ADAM22: variants seen among roughly 807,000 people sequenced by gnomAD.
ADAM22 encodes ADAM metallopeptidase domain 22.
ADAM22 carries 65 observed loss-of-function variants against 144.6 expected under a neutral mutation model. The ratio of observed to expected loss-of-function variants is 0.45; its 90% CI spans 0.37 to 0.55. The LOEUF is 0.55. Ranked by LOEUF, ADAM22 falls within the 20% of genes least tolerant of loss-of-function variation. The pLI is 0.00. For missense variants in ADAM22, 974 were observed against 1,184.9 expected, an observed-to-expected ratio of 0.82 and a Z score of 2.61; for synonymous variants, 391 against 412.6, an observed-to-expected ratio of 0.95 and a Z score of 0.63.
intron 3 of ADAM22, among the ~76,000 whole-genome samples, chr7:88,073,694 C>T (rs1813434024): frequency 6.6e-6 from 1 of 152,186 alleles, no homozygotes; most frequent in African/African-American, 2.4e-5. Context: ...GGGGCCATGC[C>T]AGCTAATCCT....
At chr7:88,081,289 A>T (rs1230550133) in intron 4 of ADAM22, among the ~76,000 whole-genome samples, 3 of 152,156 alleles carry the variant, frequency 2.0e-5, no homozygotes, top group African/African-American at 7.2e-5. Flanking sequence ...AAAATTCAAC[A>T]GCCCTTCATG....
chr7:88,045,179 G>A (rs986570841), intron 3 of ADAM22, among the ~76,000 whole-genome samples: 19 of 151,252 alleles, frequency 1.3e-4, no homozygotes, highest in Non-Finnish European at 2.8e-4. Flanking sequence ...CACCACACCG[G>A]GCTAATTTTT....
chr7:88,093,192 A>C (rs1463560907), intron 4 of ADAM22, among the ~76,000 whole-genome samples: 1 of 152,130 alleles, frequency 6.6e-6, no homozygotes, highest in Non-Finnish European at 1.5e-5. Flanking sequence ...CTACTCTTGC[A>C]ATTTTTTTGA....
chr7:87,962,217 A>G (rs1375525038), intron 2 of ADAM22, among the ~76,000 whole-genome samples: 2 of 152,264 alleles, frequency 1.3e-5, no homozygotes, highest in Non-Finnish European at 2.9e-5. Flanking sequence ...TAGTTAAACT[A>G]TGTGAAAGCA....
At chr7:88,193,330 C>T (rs535890023) in intron 31 of ADAM22, 91 bp downstream of exon 31, 1 of 1,385,840 alleles carries the variant, frequency 7.2e-7, no homozygotes, top group South Asian at 1.6e-5. Flanking sequence ...CATTTTTCCT[C>T]CCTTGTTCCT....
Position 88,163,078 on chromosome 7 carries a change from T to C in ADAM22, c.1974T>C (p.Gly658=), listed in dbSNP as rs760023268. The C allele has an allele frequency of 1.2e-6, 2 of 1,612,052 alleles. No homozygotes were observed. The highest frequency in any genetic ancestry group is 1.7e-6 in the Non-Finnish European group (2 of 1,178,982). ...ATGTGGAAGATGGGACACCTTGTGG[T>C]CCCCAAATGATGTGCTTAGAACACA... ...LGYVEDGTPC[G]PQMMCLEHRC... The change falls in exon 23 of 32, where the codon GGT becomes GGC. Residue 658 remains glycine, a synonymous_variant. Coordinates refer to ENST00000413139, the MANE Select transcript of ADAM22 (RefSeq NM_001324418.2).
chr7:88,141,492 G>A (rs1834626951), intron 14 of ADAM22, among the ~76,000 whole-genome samples: 1 of 152,046 alleles, frequency 6.6e-6, no homozygotes, highest in Non-Finnish European at 1.5e-5. Context: ...AGTTTTTGCA[G>A]GCTACTGGGA....
chr7:88,087,776 T>C (rs902594873), intron 4 of ADAM22, among the ~76,000 whole-genome samples: 4 of 152,190 alleles, frequency 2.6e-5, no homozygotes, highest in Admixed American at 2.6e-4. Context: ...TCTAAACTAC[T>C]GTATATGAGC....
intron 13 of ADAM22, among the ~76,000 whole-genome samples, chr7:88,135,509 T>C (rs1482189557): frequency 6.6e-6 from 1 of 152,134 alleles, no homozygotes; most frequent in Non-Finnish European, 1.5e-5. Context: ...TTTTGAACCC[T>C]AGTATTTCTG....
At chr7:88,050,241 A>C (rs1357759776) in intron 3 of ADAM22, among the ~76,000 whole-genome samples, 3 of 150,308 alleles carry the variant, frequency 2.0e-5, no homozygotes, top group Non-Finnish European at 4.4e-5. Flanking sequence ...AAAAAAAAAA[A>C]AAACCTGGGC....
intron 9 of ADAM22, 111 bp from the exon 10 acceptor site, chr7:88,130,273 ATTTT>A: frequency 1.6e-6 from 1 of 623,434 alleles, no homozygotes; most frequent in Non-Finnish European, 2.6e-6. Flanking sequence ...TACAGAAAAG[ATTTT>A]TTTTTTTTTT....
At chr7:88,195,263 T>C (rs932759591) in intron 31 of ADAM22, among the ~76,000 whole-genome samples, 2 of 152,232 alleles carry the variant, frequency 1.3e-5, no homozygotes, top group Non-Finnish European at 2.9e-5. Context: ...CTTGATCTTC[T>C]TTTTAAATTG....
intron 30 of ADAM22, among the ~76,000 whole-genome samples, chr7:88,187,127 C>T (rs147630144): frequency 7.9e-5 from 12 of 152,166 alleles, no homozygotes; most frequent in African/African-American, 1.4e-4. Context: ...CAAAAACTCA[C>T]GGAAAAACGT....
chr7:88,186,861 G>A (rs113101216), intron 30 of ADAM22, among the ~76,000 whole-genome samples, 160 bp downstream of exon 30: 13 of 152,152 alleles, frequency 8.5e-5, no homozygotes, highest in African/African-American at 2.9e-4. Flanking sequence ...TTTTTGCTTC[G>A]TGAGCAAGTC....
chr7:87,968,012 C>T (rs1472496545), intron 2 of ADAM22, among the ~76,000 whole-genome samples: 1 of 151,766 alleles, frequency 6.6e-6, no homozygotes, highest in African/African-American at 2.4e-5. Context: ...GAACTCAACA[C>T]CAAAATGTAG....
intron 20 of ADAM22, among the ~76,000 whole-genome samples, chr7:88,151,526 G>A (rs552045870): frequency 6.6e-6 from 1 of 152,338 alleles, no homozygotes; most frequent in Admixed American, 6.5e-5. Flanking sequence ...CTAGTTGGCA[G>A]TGCCTGTGGA....
chr7:88,022,407 C>T (rs1798039958), intron 3 of ADAM22, among the ~76,000 whole-genome samples: 1 of 152,114 alleles, frequency 6.6e-6, no homozygotes, highest in South Asian at 2.1e-4. Context: ...TGATTCTTAT[C>T]ATATAAAACA....
chr7:88,133,363 T>TAAAC (rs1832266391), intron 12 of ADAM22, among the ~76,000 whole-genome samples: 1 of 38,026 alleles, frequency 2.6e-5, no homozygotes, highest in African/African-American at 8.0e-5. Flanking sequence ...ACCCTGTCTC[T>TAAAC]AAATAAATAA....
intron 26 of ADAM22, among the ~76,000 whole-genome samples, chr7:88,176,093 C>T (rs1845589733): frequency 6.6e-6 from 1 of 152,132 alleles, no homozygotes; most frequent in South Asian, 2.1e-4. Flanking sequence ...CTGCCTCAGC[C>T]TCCTGAGTAG....
Sources: allele counts gnomAD v4.1 joint callset (sites outside exome capture counted in the v4.1 genomes callset), GRCh38; gene constraint gnomAD v4.1.1; transcripts MANE v1.5; gene names NCBI Gene and HGNC (gene_info 2026-07-23, HGNC 2026-07-21).